The following TIMM29 variants were observed in gnomAD, a reference collection of about 807,000 sequenced individuals.
TIMM29 encodes translocase of inner mitochondrial membrane 29, also known as mitochondrial import inner membrane translocase subunit Tim29.
Under a neutral mutation model 19.5 loss-of-function variants are expected in TIMM29, and 23 were observed. The ratio of observed to expected loss-of-function variants is 1.18; its 90% CI spans 0.85 to 1.67. The LOEUF (loss-of-function observed/expected upper bound fraction) is 1.67, where lower values mean the gene tolerates loss of function less well. TIMM29 is among the 40% of genes most tolerant of loss of function. TIMM29 has a pLI of 0.00. For missense variants in TIMM29, 404 were observed against 384.7 expected (o/e 1.05, Z -0.42); for synonymous variants, 209 against 185.0 (o/e 1.13, Z -1.05).
chr19:10,928,963 G>T, intron 1 of TIMM29, 47 bp downstream of exon 1: 1 of 1,471,896 alleles, frequency 6.8e-7, no homozygotes, highest in Non-Finnish European at 8.9e-7. Flanking sequence ...CCGCGACAGG[G>T]TGGGTGGCCG....
rs200200202 is a variant in TIMM29, at chr19:10,929,537, C to T, written c.618C>T (p.Ser206=). 1.9e-6 allele frequency: 3 copies of T among 1,613,088 alleles called. No individual in the cohort carries two copies. The highest frequency in any genetic ancestry group is 3.3e-5 in the Admixed American group (2 of 60,024). Residue 206 remains serine, a synonymous_variant, in exon 2 of 2, where the codon TCC becomes TCT. Transcript: ENST00000270502. ...TGGTCGGGCCCCAGCAGCTGCATTCCGAGACCAACGAGCGGCTCTTCGATG... is the reference window on the plus strand; with the variant it reads ...TGGTCGGGCCCCAGCAGCTGCATTCTGAGACCAACGAGCGGCTCTTCGATG... ...LRVVGPQQLH[S]ETNERLFDEK...
At position 10,929,161 on chromosome 19, in the gene TIMM29, G is replaced by T; in HGVS notation, c.242G>T (p.Gly81Val). 1.4e-6 allele frequency: 2 copies of T among 1,455,218 alleles called. No individual in the cohort carries two copies. The highest frequency in any genetic ancestry group is 9.0e-7 in the Non-Finnish European group (1 of 1,114,628). 90.1% of individuals were successfully genotyped at this position (1,455,218 alleles called of 1,614,324 possible). The stretch of plus-strand genomic sequence containing the variant: ...TGCTTCACGCTGGCGCCCAGCGAGG[G>T]TGCCTTCGAGGAGGCGCTGCTGGAG... ...AACFTLAPSEGAFEEALLEAS... is the reference protein window; with the variant it reads ...AACFTLAPSEVAFEEALLEAS... Residue 81 changes from glycine to valine, a missense_variant, in exon 2 of 2, where the codon GGT becomes GTT. Transcript: ENST00000270502.
At position 10,929,409 on chromosome 19, in the gene TIMM29, C is replaced by T; in HGVS notation, c.490C>T (p.Leu164=). ...CTGGACCGACTTCCCCGGCCGGGTC[C>T]TGGACGTGGGCTTCGTGGGTCGCTG... The part of the protein sequence containing the change: ...PRWTDFPGRV[L]DVGFVGRWWV... The change falls in exon 2 of 2, where the codon CTG becomes TTG. Residue 164 remains leucine (L), a synonymous_variant. Transcript: ENST00000270502. 1 of 1,610,574 alleles carries T rather than the reference C, an allele frequency of 6.2e-7. No individual in the cohort carries two copies. The highest frequency in any genetic ancestry group is 8.5e-7 in the Non-Finnish European group (1 of 1,179,236).
At chr19:10,928,969 G>C in intron 1 of TIMM29, 45 bp from the exon 2 acceptor site, 1 of 1,465,432 alleles carries the variant, frequency 6.8e-7, no homozygotes, top group Non-Finnish European at 8.9e-7. Context: ...CAGGGTGGGT[G>C]GCCGCCGCGG....
In TIMM29 at chr19:10,929,798, C is replaced by A; in HGVS notation, c.*96C>A. Reference sequence around the variant, plus strand: ...CAGAACAGCTGAGACAGATGATGTGCAAAGTGTTTTCTCACTGGATTTGCA... The same window carrying A: ...CAGAACAGCTGAGACAGATGATGTGAAAAGTGTTTTCTCACTGGATTTGCA... On this transcript the variant is annotated 3_prime_UTR_variant, in exon 2 of 2. Coordinates refer to ENST00000270502, the MANE Select transcript of TIMM29 (RefSeq NM_138358.4). 1 of 1,278,474 alleles carries A rather than the reference C, an allele frequency of 7.8e-7. No individual in the cohort carries two copies. Among genetic ancestry groups the A allele is most frequent in the Non-Finnish European group, 1.1e-6 (1 of 944,034 alleles). 79.2% of individuals were successfully genotyped at this position (1,278,474 alleles called of 1,614,324 possible).
chr19:10,929,224 G>A lies in TIMM29; in HGVS notation c.305G>A (p.Arg102His). Residue 102 changes from arginine (R) to histidine (H), a missense_variant, in exon 2 of 2, where the codon CGC becomes CAC. Transcript: ENST00000270502. ...GTLLLLAPATRNRESEAFVQR... is the reference protein window; with the variant it reads ...GTLLLLAPATHNRESEAFVQR... ...CTCCTGCTGCTGGCGCCGGCCACCC[G>A]CAACCGCGAGTCCGAAGCCTTCGTG... 2 of 1,491,314 alleles carry A rather than the reference G, an allele frequency of 1.3e-6. No homozygotes were observed. Among genetic ancestry groups the A allele is most frequent in the Non-Finnish European group, 1.8e-6 (2 of 1,126,194 alleles). 92.4% of individuals were successfully genotyped at this position (1,491,314 alleles called of 1,614,324 possible). A position where few individuals can be genotyped will look rare whatever the true frequency, so the allele number is the denominator to read the frequency against.
At chr19:10,928,955 G>A in intron 1 of TIMM29, 39 bp downstream of exon 1, 1 of 1,481,680 alleles carries the variant, frequency 6.7e-7, no homozygotes, top group South Asian at 1.3e-5. Flanking sequence ...GGTGGCCGCC[G>A]CGACAGGGTG....
Position 10,928,873 on chromosome 19 carries a change from G to A in TIMM29, c.51G>A (p.Ala17=). The change falls in exon 1 of 2, where the codon GCG becomes GCA. Residue 17 remains alanine, a synonymous_variant. Coordinates refer to ENST00000270502, the MANE Select transcript of TIMM29 (RefSeq NM_138358.4). ...RRFWSRRRAE[A]GDAVVAKPGV... ...TTTGGTCCCGGCGCCGCGCAGAGGC[G>A]GGCGACGCGGTAGTGGCGAAGCCGG... The A allele has an allele frequency of 1.3e-6, 2 of 1,529,120 alleles. No homozygotes were observed. Among genetic ancestry groups the A allele is most frequent in the Non-Finnish European group, 1.7e-6 (2 of 1,143,106 alleles). 94.7% of individuals were successfully genotyped at this position (1,529,120 alleles called of 1,614,324 possible). A position where few individuals can be genotyped will look rare whatever the true frequency, so the allele number is the denominator to read the frequency against.
chr19:10,929,086 G>C lies in TIMM29; in HGVS notation c.167G>C (p.Arg56Pro). Residue 56 changes from arginine to proline, a missense_variant, in exon 2 of 2, where the codon CGG (arginine) becomes CCG (proline). By Grantham distance (103) the Arg-to-Pro change is moderately radical. Transcript: ENST00000270502. ...CRDASAEARA[R>P]PGRAAVYVGL... Reference sequence around the variant, plus strand: ...GACGCTTCGGCGGAGGCTAGGGCCCGGCCGGGGCGCGCCGCTGTGTATGTG... The same window carrying C: ...GACGCTTCGGCGGAGGCTAGGGCCCCGCCGGGGCGCGCCGCTGTGTATGTG... 1 of 1,458,174 alleles carries C rather than the reference G, an allele frequency of 6.9e-7. No individual in the cohort carries two copies. The highest frequency in any genetic ancestry group is 2.8e-5 in the East Asian group (1 of 35,924). The allele number at this position is 1,458,174 out of a possible 1,614,324, so 90.3% of individuals were successfully genotyped here.
At position 10,928,852 on chromosome 19, in the gene TIMM29, G is replaced by T; in HGVS notation, c.30G>T (p.Trp10Cys). The change falls in exon 1 of 2, where the codon TGG becomes TGT. Residue 10 changes from tryptophan (W) to cysteine (C), a missense_variant. By Grantham distance (215) the Trp-to-Cys change is radical (BLOSUM62 -2). Coordinates refer to ENST00000270502, the MANE Select transcript of TIMM29 (RefSeq NM_138358.4). Reference sequence around the variant, plus strand: ...CCGCGGCGGCTCTGAGGAGATTTTGGTCCCGGCGCCGCGCAGAGGCGGGCG... The same window carrying T: ...CCGCGGCGGCTCTGAGGAGATTTTGTTCCCGGCGCCGCGCAGAGGCGGGCG... MAAAALRRF[W>C]SRRRAEAGDA... 2 of 1,527,874 alleles carry T rather than the reference G, an allele frequency of 1.3e-6. No homozygotes were observed. Among genetic ancestry groups the T allele is most frequent in the Non-Finnish European group, 1.8e-6 (2 of 1,142,202 alleles). 94.6% of individuals were successfully genotyped at this position (1,527,874 alleles called of 1,614,324 possible).
chr19:10,929,346 A>G lies in TIMM29; in HGVS notation c.427A>G (p.Ser143Gly). The G allele has an allele frequency of 3.8e-6, 6 of 1,579,598 alleles. No homozygotes were observed. The highest frequency in any genetic ancestry group is 5.1e-6 in the Non-Finnish European group (6 of 1,167,468). The stretch of plus-strand genomic sequence containing the variant: ...CGAGGCGCCCTTCGACGCCCAGGCC[A>G]GCCTCTACCAGGCGCGTTGCCGCTA... ...VYEAPFDAQA[S>G]LYQARCRYLQ... The change falls in exon 2 of 2, where the codon AGC (serine) becomes GGC (glycine). Residue 143 changes from serine (S) to glycine (G), a missense_variant. Transcript: ENST00000270502.
At position 10,928,819 on chromosome 19, in the gene TIMM29, G is replaced by A. The variant is rs758006186; in HGVS notation, c.-4G>A. Reference sequence around the variant, plus strand: ...CGGAGCAAGGACCCCCAAGACGGAAGAGGATGGCCGCGGCGGCTCTGAGGA... The same window carrying A: ...CGGAGCAAGGACCCCCAAGACGGAAAAGGATGGCCGCGGCGGCTCTGAGGA... On this transcript the variant is annotated 5_prime_UTR_variant, in exon 1 of 2. Coordinates refer to ENST00000270502, the MANE Select transcript of TIMM29 (RefSeq NM_138358.4). 3.9e-6 allele frequency: 6 copies of A among 1,529,714 alleles called. No individual in the cohort carries two copies. The highest frequency in any genetic ancestry group is 4.4e-6 in the Non-Finnish European group (5 of 1,141,274). 94.8% of individuals were successfully genotyped at this position (1,529,714 alleles called of 1,614,324 possible). A position where few individuals can be genotyped will look rare whatever the true frequency, so the allele number is the denominator to read the frequency against.
rs1474314916 is a variant in TIMM29, at chr19:10,928,926, G to A, written c.94+10G>A. 4 of 1,507,974 alleles carry A rather than the reference G, an allele frequency of 2.7e-6. No homozygotes were observed. In the Admixed American group the frequency reaches 8.9e-5, roughly 34 times the overall value. The allele number at this position is 1,507,974 out of a possible 1,614,324, so 93.4% of individuals were successfully genotyped here. ...GTGTGGGCGCGGCTGGGTGAGTAGC[G>A]GCGGAAGGCGGCAGGGTGGGTGGCC... is the stretch of plus-strand genomic sequence containing the variant. On this transcript the variant is annotated intron_variant, in intron 1 of 1. Transcript: ENST00000270502.
rs1165982569 is a variant in TIMM29, at chr19:10,928,869, A to G, written c.47A>G (p.Glu16Gly). 4 of 1,528,880 alleles carry G rather than the reference A, an allele frequency of 2.6e-6. No individual in the cohort carries two copies. The highest frequency in any genetic ancestry group is 2.3e-4 in the Middle Eastern group (1 of 4,342). The allele number at this position is 1,528,880 out of a possible 1,614,324, so 94.7% of individuals were successfully genotyped here. ...LRRFWSRRRA[E>G]AGDAVVAKPG... ...AGATTTTGGTCCCGGCGCCGCGCAGAGGCGGGCGACGCGGTAGTGGCGAAG... is the reference window on the plus strand; with the variant it reads ...AGATTTTGGTCCCGGCGCCGCGCAGGGGCGGGCGACGCGGTAGTGGCGAAG... The change falls in exon 1 of 2, where the codon GAG becomes GGG. Residue 16 changes from glutamate to glycine, a missense_variant. Glu to Gly is a moderately conservative substitution (Grantham distance 98, BLOSUM62 -2). Coordinates refer to ENST00000270502, the MANE Select transcript of TIMM29 (RefSeq NM_138358.4).
At position 10,929,466 on chromosome 19, in the gene TIMM29, G is replaced by A; in HGVS notation, c.547G>A (p.Asp183Asn). 1.2e-6 allele frequency: 2 copies of A among 1,612,938 alleles called. No homozygotes were observed. The highest frequency in any genetic ancestry group is 1.7e-6 in the Non-Finnish European group (2 of 1,180,004). Reference sequence around the variant, plus strand: ...GCTGGGGGCCTGGATGCGCGACTGCGACATCAACGACGACGAATTCCTGCA... The same window carrying A: ...GCTGGGGGCCTGGATGCGCGACTGCAACATCAACGACGACGAATTCCTGCA... ...WVLGAWMRDC[D>N]INDDEFLHLP... The change falls in exon 2 of 2, where the codon GAC (aspartate) becomes AAC (asparagine). Residue 183 changes from aspartate (D) to asparagine (N), a missense_variant. Physicochemically the swap from Asp to Asn is conservative, Grantham distance 23. Transcript: ENST00000270502.
chr19:10,928,994 C>G lies in TIMM29; in HGVS notation c.95-20C>G, dbSNP rs1282802729. On this transcript the variant is annotated intron_variant, in intron 1 of 1. Coordinates refer to ENST00000270502, the MANE Select transcript of TIMM29 (RefSeq NM_138358.4). ...GGCCGCCGCGGCCGGATCACTCTTA[C>G]CGCGCTCCTCTCCCCTCAGGGTCCT... 1.4e-6 allele frequency: 2 copies of G among 1,461,588 alleles called. No individual in the cohort carries two copies. The highest frequency in any genetic ancestry group is 1.8e-6 in the Non-Finnish European group (2 of 1,122,080). 90.5% of individuals were successfully genotyped at this position (1,461,588 alleles called of 1,614,324 possible).
rs1044456876 is a variant in TIMM29 at position 10,928,875 on chromosome 19, G to T, written c.53G>T (p.Gly18Val). The T allele has an allele frequency of 2.6e-6, 4 of 1,530,492 alleles. No individual in the cohort carries two copies. Among genetic ancestry groups the T allele is most frequent in the Non-Finnish European group, 3.5e-6 (4 of 1,143,672 alleles). The allele number at this position is 1,530,492 out of a possible 1,614,324, so 94.8% of individuals were successfully genotyped here. ...RFWSRRRAEA[G>V]DAVVAKPGVW... ...TGGTCCCGGCGCCGCGCAGAGGCGG[G>T]CGACGCGGTAGTGGCGAAGCCGGGA... is the stretch of plus-strand genomic sequence containing the variant. Residue 18 changes from glycine (G) to valine (V), a missense_variant, in exon 1 of 2, where the codon GGC becomes GTC. Coordinates refer to ENST00000270502, the MANE Select transcript of TIMM29 (RefSeq NM_138358.4).
In TIMM29 at chr19:10,928,831, G is replaced by C. The variant is rs1048825096; in HGVS notation, c.9G>C (p.Ala3=). 22 of 1,528,826 alleles carry C rather than the reference G, an allele frequency of 1.4e-5. No homozygotes were observed. Among genetic ancestry groups the C allele is most frequent in the Non-Finnish European group, 1.8e-5 (21 of 1,141,464 alleles). The allele number at this position is 1,528,826 out of a possible 1,614,324, so 94.7% of individuals were successfully genotyped here. MA[A]AALRRFWSRR... is the part of the protein sequence containing the mutation. ...CCCCAAGACGGAAGAGGATGGCCGCGGCGGCTCTGAGGAGATTTTGGTCCC... is the reference window on the plus strand; with the variant it reads ...CCCCAAGACGGAAGAGGATGGCCGCCGCGGCTCTGAGGAGATTTTGGTCCC... The change falls in exon 1 of 2, where the codon GCG becomes GCC. Residue 3 remains alanine (A), a synonymous_variant. Coordinates refer to ENST00000270502, the MANE Select transcript of TIMM29 (RefSeq NM_138358.4).
In TIMM29 at chr19:10,929,621, G is replaced by A. The variant is rs1194187087; in HGVS notation, c.702G>A (p.Glu234=). The change falls in exon 2 of 2, where the codon GAG becomes GAA. Residue 234 remains glutamate, a synonymous_variant. Coordinates refer to ENST00000270502, the MANE Select transcript of TIMM29 (RefSeq NM_138358.4). The stretch of plus-strand genomic sequence containing the variant: ...AGGTGGACCAGGCGCTGTGGGAGGA[G>A]CAGGTCTTGCAGAAGGAGAAGAAGG... The part of the protein sequence containing the change: ...DDQVDQALWE[E]QVLQKEKKDR... The A allele has an allele frequency of 6.2e-7, 1 of 1,613,080 alleles. No individual in the cohort carries two copies. Among genetic ancestry groups the A allele is most frequent in the East Asian group, 2.2e-5 (1 of 44,888 alleles).
Sources: gnomAD v4.1 joint callset for allele counts on GRCh38, gnomAD v4.1.1 for gene constraint, MANE v1.5 for transcripts, NCBI Gene and HGNC (gene_info 2026-07-23, HGNC 2026-07-21) for gene names.